The following NFATC3 variants were observed in gnomAD, a reference collection of about 807,000 sequenced individuals.
NFATC3 encodes nuclear factor of activated T cells 3, also known as nuclear factor of activated T-cells, cytoplasmic 3.
In NFATC3, 46 loss-of-function variants were observed where a neutral mutation model predicts 98.6. That is an observed-to-expected ratio of 0.47 (90% CI 0.37 to 0.60). The LOEUF is 0.60. Among genes scored for constraint, NFATC3 ranks in the 20% least tolerant of loss-of-function variants. The probability of loss-of-function intolerance (pLI) is 0.00; values close to 1 mark genes in which losing one functional copy is unlikely to be tolerated. For synonymous variants in NFATC3, 512 were observed against 472.2 expected, an observed-to-expected ratio of 1.08 and a Z score of -1.09; for missense variants, 1,256 against 1,295.5, an observed-to-expected ratio of 0.97 and a Z score of 0.47.
chr16:68,223,302 T>G lies in NFATC3; in HGVS notation c.3107-3048T>G, dbSNP rs140803820. ...TGTAATCCCAGCACTGTGGGAGGAT[T>G]GCTTGAGGCCAGGAGTTAGAGATCA... is the stretch of plus-strand genomic sequence containing the variant. On this transcript the variant is annotated intron_variant, in intron 9 of 9. Coordinates refer to ENST00000346183, the MANE Select transcript of NFATC3 (RefSeq NM_173165.3). Among the ~76,000 whole-genome samples, 277 of 151,686 alleles carry G rather than the reference T, an allele frequency of 1.8e-3. 4 individuals are homozygous for G. The highest frequency in any genetic ancestry group is 6.3e-3 in the African/African-American group (262 of 41,354).
At chr16:68,153,748 G>C (rs1309683822) in intron 3 of NFATC3, among the ~76,000 whole-genome samples, 1 of 151,554 alleles carries the variant, frequency 6.6e-6, no homozygotes, top group African/African-American at 2.4e-5. Context: ...CAAGTAGCTG[G>C]GACTACAGGC....
chr16:68,214,510 C>A, intron 9 of NFATC3: 2 of 1,252,410 alleles, frequency 1.6e-6, no homozygotes, highest in Non-Finnish European at 2.3e-6. Context: ...TTTGCATGTG[C>A]TACAGAGGAG....
chr16:68,187,369 G>A (rs181593984), intron 8 of NFATC3, among the ~76,000 whole-genome samples: 13 of 152,340 alleles, frequency 8.5e-5, no homozygotes, highest in Middle Eastern at 6.8e-3. Context: ...CCAACATAGC[G>A]AGCAGGGGGC....
At chr16:68,139,775 G>C (rs2037647622) in intron 3 of NFATC3, among the ~76,000 whole-genome samples, 1 of 152,118 alleles carries the variant, frequency 6.6e-6, no homozygotes, top group African/African-American at 2.4e-5. Flanking sequence ...TAATGTAGCT[G>C]GGGGTTCACT....
chr16:68,197,578 C>T (rs772314084), intron 9 of NFATC3, among the ~76,000 whole-genome samples: 4 of 152,184 alleles, frequency 2.6e-5, no homozygotes, highest in Admixed American at 1.3e-4. Flanking sequence ...CATAGCAAGA[C>T]CCTGTCTCTG....
intron 9 of NFATC3, among the ~76,000 whole-genome samples, chr16:68,207,048 C>T (rs1021065296): frequency 1.3e-4 from 19 of 151,078 alleles, no homozygotes; most frequent in African/African-American, 4.4e-4. Flanking sequence ...CGGTGGCTCA[C>T]GCCTGTAATC....
At chr16:68,145,438 C>T (rs1047587519) in intron 3 of NFATC3, among the ~76,000 whole-genome samples, 3 of 152,178 alleles carry the variant, frequency 2.0e-5, no homozygotes, top group Admixed American at 1.3e-4. Context: ...TGAGCCTCCA[C>T]GCCCTGCTGC....
At chr16:68,096,264 G>A (rs1446011294) in intron 1 of NFATC3, among the ~76,000 whole-genome samples, 3 of 152,142 alleles carry the variant, frequency 2.0e-5, no homozygotes, top group African/African-American at 2.4e-5. Context: ...CCATGCCCAC[G>A]CTAAAAATTC....
chr16:68,118,995 G>A (rs2036435913), intron 1 of NFATC3, among the ~76,000 whole-genome samples: 1 of 152,112 alleles, frequency 6.6e-6, no homozygotes. Flanking sequence ...AGCCTCCCGA[G>A]CAGCTGGGAC....
chr16:68,198,727 T>C (rs1014894794), intron 9 of NFATC3, among the ~76,000 whole-genome samples: 1 of 152,028 alleles, frequency 6.6e-6, no homozygotes, highest in African/African-American at 2.4e-5. Context: ...CTGGGCAATA[T>C]ACCCTGTCTC....
chr16:68,160,140 T>G (rs899075579), intron 4 of NFATC3, among the ~76,000 whole-genome samples: 2 of 152,148 alleles, frequency 1.3e-5, no homozygotes, highest in African/African-American at 4.8e-5. Context: ...TTAAATAAAC[T>G]TTTTAGATGA....
chr16:68,191,175 G>C lies in NFATC3; in HGVS notation c.2506G>C (p.Ala836Pro), dbSNP rs778492044. The stretch of plus-strand genomic sequence containing the variant: ...TGATTCAGTTTTGTTTCAGCAGGAT[G>C]CAACTCTTTCTGGTTTAGTGAATCT... ...EFDSVLFQQD[A>P]TLSGLVNLGC... Residue 836 changes from alanine to proline, a missense_variant, in exon 9 of 10, where the codon GCA becomes CCA. Around this residue, in one of 3 missense-constraint regions of NFATC3, gnomAD observed 636 missense variants for 617.3 expected, o/e 1.03. Transcript: ENST00000346183. 6 of 1,614,176 alleles carry C rather than the reference G, an allele frequency of 3.7e-6. No homozygotes were observed. Among genetic ancestry groups the C allele is most frequent in the Non-Finnish European group, 5.1e-6 (6 of 1,180,046 alleles).
intron 2 of NFATC3, 124 bp downstream of exon 2, chr16:68,123,245 A>T (rs1468646505): frequency 9.9e-6 from 10 of 1,007,882 alleles, no homozygotes; most frequent in Middle Eastern, 4.9e-4. Flanking sequence ...TCCTATTTTT[A>T]AAAAAAATTT....
intron 1 of NFATC3, among the ~76,000 whole-genome samples, chr16:68,098,594 C>G (rs1463576859): frequency 6.6e-6 from 1 of 152,076 alleles, no homozygotes; most frequent in Non-Finnish European, 1.5e-5. Flanking sequence ...ACCACTGTGC[C>G]CAGCACATTT....
At chr16:68,164,352 C>T (rs2039081172) in intron 4 of NFATC3, among the ~76,000 whole-genome samples, 1 of 152,178 alleles carries the variant, frequency 6.6e-6, no homozygotes, top group African/African-American at 2.4e-5. Flanking sequence ...TACAGTCCAG[C>T]TTCGGCTCGG....
chr16:68,220,263 C>T (rs373740103), intron 9 of NFATC3, among the ~76,000 whole-genome samples: 6 of 152,156 alleles, frequency 3.9e-5, no homozygotes, highest in Non-Finnish European at 7.4e-5. Context: ...GTGACTCACG[C>T]CTGTAATCCC....
intron 9 of NFATC3, among the ~76,000 whole-genome samples, chr16:68,223,339 A>G (rs751220243): frequency 6.6e-6 from 1 of 152,090 alleles, no homozygotes; most frequent in Non-Finnish European, 1.5e-5. Flanking sequence ...CTTTGGCAAC[A>G]TAGCAAGACC....
At chr16:68,188,248 C>T (rs2040292827) in intron 8 of NFATC3, among the ~76,000 whole-genome samples, 1 of 152,336 alleles carries the variant, frequency 6.6e-6, no homozygotes. Flanking sequence ...CTGGGTCTCT[C>T]TTCCTAGGCA....
rs1291912445 is a variant in NFATC3 at position 68,174,356 on chromosome 16, T to C, written c.1775-18T>C. 24 of 1,375,498 alleles carry C rather than the reference T, an allele frequency of 1.7e-5. No homozygotes were observed. The highest frequency in any genetic ancestry group is 2.2e-5 in the Non-Finnish European group (23 of 1,054,660). The allele number at this position is 1,375,498 out of a possible 1,614,324, so 85.2% of individuals were successfully genotyped here. On this transcript the variant is annotated intron_variant, in intron 5 of 9. Coordinates refer to ENST00000346183, the MANE Select transcript of NFATC3 (RefSeq NM_173165.3). ...AATATTTTGTTTTTTCTCAACTCTT[T>C]AAAAAAATTTAAAACAGCCCAGCGG...
Sources: gnomAD v4.1 joint callset for allele counts (sites outside exome capture counted in the v4.1 genomes callset) on GRCh38, gnomAD v4.1.1 for gene constraint, gnomAD v4.1.1 regional missense constraint, MANE v1.5 for transcripts, NCBI Gene and HGNC (gene_info 2026-07-23, HGNC 2026-07-21) for gene names.